The following OCA2 variants were observed in gnomAD, a reference collection of about 807,000 sequenced individuals.
OCA2 encodes the protein OCA2 melanosomal transmembrane protein.
Under a neutral mutation model 100.2 loss-of-function variants are expected in OCA2, and 77 were observed. The observed-to-expected ratio is 0.77, with a 90% CI of 0.64 to 0.93. The LOEUF is 0.93. Ranked by LOEUF, OCA2 falls within the 40% of genes least tolerant of loss-of-function variation. OCA2 has a pLI of 0.00. For synonymous variants in OCA2, 432 were observed against 439.2 expected (o/e 0.98, Z 0.21); for missense variants, 1,062 against 1,089.1 (o/e 0.98, Z 0.35).
the OCA2 span, among the ~76,000 whole-genome samples, chr15:27,747,215 G>A: frequency 5.3e-5 from 8 of 152,174 alleles, no homozygotes; most frequent in African/African-American, 1.9e-4. Context: ...AGGTATGGCT[G>A]TGACAGTCAC....
chr15:27,988,023 G>A (rs1045403201), intron 11 of OCA2, among the ~76,000 whole-genome samples: 23 of 152,222 alleles, frequency 1.5e-4, no homozygotes, highest in Middle Eastern at 3.4e-3. Flanking sequence ...ACGGTGGAGC[G>A]TGGGGCTTCG....
At chr15:27,985,317 C>A (rs190753975) in intron 12 of OCA2, 129 bp from the exon 13 acceptor site, 1 of 1,094,636 alleles carries the variant, frequency 9.1e-7, no homozygotes, top group Middle Eastern at 1.9e-4. Flanking sequence ...AGACATAGAC[C>A]CACGGAGTCC....
intron 21 of OCA2, among the ~76,000 whole-genome samples, chr15:27,854,922 C>T (rs926413261): frequency 1.5e-4 from 23 of 152,134 alleles, no homozygotes; most frequent in Admixed American, 1.3e-3. Flanking sequence ...AGGGAGGAGG[C>T]AATGTCTTCA....
At chr15:27,799,144 A>G (rs561785703) in intron 23 of OCA2, among the ~76,000 whole-genome samples, 1 of 152,356 alleles carries the variant, frequency 6.6e-6, no homozygotes, top group East Asian at 1.9e-4. Flanking sequence ...CAAACTCCAG[A>G]GGAACAGGGG....
chr15:27,982,425 A>C (rs949510519), intron 14 of OCA2, among the ~76,000 whole-genome samples: 2 of 152,136 alleles, frequency 1.3e-5, no homozygotes, highest in African/African-American at 4.8e-5. Context: ...GTCTGTTACC[A>C]CCTGACATGC....
At chr15:28,004,054 A>C (rs563967139) in intron 9 of OCA2, among the ~76,000 whole-genome samples, 1 of 152,348 alleles carries the variant, frequency 6.6e-6, no homozygotes, top group African/African-American at 2.4e-5. Context: ...ACAGGTCTGC[A>C]AGACACCCTG....
At chr15:27,769,183 C>T (rs2031519111) in intron 23 of OCA2, among the ~76,000 whole-genome samples, 1 of 152,210 alleles carries the variant, frequency 6.6e-6, no homozygotes, top group Non-Finnish European at 1.5e-5. Context: ...CTTCATCTCC[C>T]TCCGGGGTGA....
chr15:28,092,604 T>A (rs1387914077), intron 1 of OCA2, among the ~76,000 whole-genome samples: 2 of 152,204 alleles, frequency 1.3e-5, no homozygotes, highest in Non-Finnish European at 2.9e-5. Flanking sequence ...CCTCTCACCT[T>A]AGCCTCCCAA....
At chr15:27,731,038 C>G in the OCA2 span, among the ~76,000 whole-genome samples, 2 of 151,838 alleles carry the variant, frequency 1.3e-5, no homozygotes, top group African/African-American at 4.8e-5. Flanking sequence ...CAGCCAAAGT[C>G]ATCCTAAATG....
intron 21 of OCA2, among the ~76,000 whole-genome samples, chr15:27,865,556 T>C (rs188463693): frequency 6.6e-6 from 1 of 152,222 alleles, no homozygotes; most frequent in African/African-American, 2.4e-5. Context: ...TTTTCATGAA[T>C]GTTCTTTGGT....
chr15:28,098,665 C>G (rs1045221187), intron 1 of OCA2, among the ~76,000 whole-genome samples: 2 of 152,222 alleles, frequency 1.3e-5, no homozygotes, highest in African/African-American at 4.8e-5. Context: ...GCCCCTGGCC[C>G]CTGCCTGGTT....
chr15:28,039,569 C>T (rs540358101), intron 2 of OCA2, among the ~76,000 whole-genome samples: 44 of 152,302 alleles, frequency 2.9e-4, no homozygotes, highest in African/African-American at 1.0e-3. Context: ...AATTAGAAAA[C>T]ACCTGTTATG....
the OCA2 span, among the ~76,000 whole-genome samples, chr15:27,722,029 CT>C: frequency 6.6e-6 from 1 of 152,164 alleles, no homozygotes; most frequent in South Asian, 2.1e-4. Context: ...TTCACCAGCC[CT>C]TTCAACTTAA....
At position 27,986,529 on chromosome 15, in the gene OCA2, G is replaced by A. The variant is rs2041356702; in HGVS notation, c.1239+58C>T. ...TTTGTTTCCTAAATATATAATGTCA[G>A]AAAAATACATATATAAATTAATCAG... On this transcript the variant is annotated intron_variant, in intron 12 of 23. Transcript: ENST00000354638. The A allele has an allele frequency of 2.9e-6, 3 of 1,050,880 alleles. No individual in the cohort carries two copies. The East Asian group carries it at 7.1e-5, about 25-fold the overall frequency. 65.1% of individuals were successfully genotyped at this position (1,050,880 alleles called of 1,614,324 possible).
chr15:27,845,681 G>T (rs891386824), intron 22 of OCA2, among the ~76,000 whole-genome samples: 2 of 152,114 alleles, frequency 1.3e-5, no homozygotes, highest in Non-Finnish European at 2.9e-5. Context: ...CACACCCAGG[G>T]AAGGCCCAGG....
chr15:27,843,933 T>C (rs936972017), intron 23 of OCA2, among the ~76,000 whole-genome samples: 25 of 152,110 alleles, frequency 1.6e-4, no homozygotes, highest in African/African-American at 5.3e-4. Flanking sequence ...TTCCAAATCT[T>C]TACCCGAGGC....
At chr15:27,738,336 A>G in the OCA2 span, among the ~76,000 whole-genome samples, 1 of 152,234 alleles carries the variant, frequency 6.6e-6, no homozygotes, top group Non-Finnish European at 1.5e-5. Context: ...CAAAATGAGC[A>G]AACTCTGCTA....
At position 28,018,516 on chromosome 15, in the gene OCA2, C is replaced by T. The variant is rs148659233; in HGVS notation, c.688G>A (p.Val230Met). 1 of 1,613,652 alleles carries T rather than the reference C, an allele frequency of 6.2e-7. No individual in the cohort carries two copies. The highest frequency in any genetic ancestry group is 8.5e-7 in the Non-Finnish European group (1 of 1,179,966). Residue 230 changes from valine (V) to methionine (M), a missense_variant, in exon 7 of 24, where the codon GTG becomes ATG. Val to Met is a conservative substitution (Grantham distance 21, BLOSUM62 1). Coordinates refer to ENST00000354638, the MANE Select transcript of OCA2 (RefSeq NM_000275.3). ...GCCACTAGGGCCCCTGCCAGGTCCA[C>T]CTGCAGCAGCGTGGAGTCCACGTGG... ...SSHVDSTLLQVDLAGALVASG... is the reference protein window; with the variant it reads ...SSHVDSTLLQMDLAGALVASG...
At chr15:28,054,485 C>T (rs2141599057) in intron 2 of OCA2, among the ~76,000 whole-genome samples, 1 of 152,308 alleles carries the variant, frequency 6.6e-6, no homozygotes, top group Non-Finnish European at 1.5e-5. Flanking sequence ...CCACACCCAT[C>T]TTGACTGGCT....
Sources: allele counts gnomAD v4.1 joint callset (sites outside exome capture counted in the v4.1 genomes callset), GRCh38; gene constraint gnomAD v4.1.1; transcripts MANE v1.5; gene names NCBI Gene and HGNC (gene_info 2026-07-23, HGNC 2026-07-21).